The following STK3 variants were observed in gnomAD, a reference collection of about 807,000 sequenced individuals.
STK3 encodes serine/threonine kinase 3, also known as serine/threonine-protein kinase 3.
Under a neutral mutation model 58.0 loss-of-function variants are expected in STK3, and 41 were observed. The observed-to-expected ratio is 0.71, with a 90% CI of 0.55 to 0.92. The LOEUF is 0.92. STK3 is among the 40% of genes least tolerant of loss of function. STK3 has a pLI of 0.00. For synonymous variants in STK3, 170 were observed against 191.0 expected (o/e 0.89, Z 0.91); for missense variants, 479 against 602.7 (o/e 0.79, Z 2.15).
intron 7 of STK3, among the ~76,000 whole-genome samples, chr8:98,586,775 T>A (rs911856423): frequency 1.3e-5 from 2 of 152,030 alleles, no homozygotes; most frequent in Non-Finnish European, 2.9e-5. Context: ...CAATTTCAGA[T>A]CCTGTTATTG....
chr8:98,379,598 C>T (rs1357734241), intron 1 of STK3, among the ~76,000 whole-genome samples: 2 of 152,162 alleles, frequency 1.3e-5, no homozygotes, highest in Admixed American at 6.5e-5. Flanking sequence ...ACTAGAGGAC[C>T]GGACACAGCA....
At chr8:98,743,828 C>G (rs1269948386) in intron 4 of STK3, among the ~76,000 whole-genome samples, 2 of 151,854 alleles carry the variant, frequency 1.3e-5, no homozygotes, top group Non-Finnish European at 2.9e-5. Flanking sequence ...ATTTTCGCAA[C>G]CTACTCATCT....
At chr8:98,545,839 T>G (rs1469890263) in intron 9 of STK3, among the ~76,000 whole-genome samples, 1 of 152,112 alleles carries the variant, frequency 6.6e-6, no homozygotes, top group Non-Finnish European at 1.5e-5. Context: ...CCAACTAATT[T>G]AAGAAGTTTT....
At position 98,539,559 on chromosome 8, in the gene STK3, A is replaced by G. The variant is rs1810056936; in HGVS notation, c.1141+8410T>C. On this transcript the variant is annotated intron_variant, in intron 9 of 10. Coordinates refer to ENST00000419617, the MANE Select transcript of STK3 (RefSeq NM_006281.4). ...TCTTACTAATTAAGTAAAACTGCAT[A>G]TATGTGCTGTCCAAAATAAACTCTG... is the stretch of plus-strand genomic sequence containing the variant. 2.0e-5 allele frequency among the ~76,000 whole-genome samples: 3 copies of G among 152,176 alleles called. No homozygotes were observed. In the South Asian group the frequency reaches 6.2e-4, roughly 32 times the overall value.
chr8:98,401,089 C>G (rs1308989166), downstream of STK3, among the ~76,000 whole-genome samples: 1 of 152,160 alleles, frequency 6.6e-6, no homozygotes, highest in East Asian at 1.9e-4. Context: ...CTGGCTCTCT[C>G]TCTCGGGACA....
intron 1 of STK3, chr8:98,906,267 C>G (rs1377277394): frequency 6.6e-6 from 1 of 152,452 alleles, no homozygotes; most frequent in Non-Finnish European, 1.5e-5. Flanking sequence ...AGGGCCGTTT[C>G]TTGGTGACAT....
At chr8:98,386,008 GA>G (rs906015332) in intron 1 of STK3, among the ~76,000 whole-genome samples, 6 of 151,992 alleles carry the variant, frequency 3.9e-5, no homozygotes, top group African/African-American at 1.5e-4. Flanking sequence ...TAAGAAAGAC[GA>G]AAAATAGCAT....
At chr8:98,547,582 G>C (rs1005792875) in intron 9 of STK3, among the ~76,000 whole-genome samples, 2 of 152,070 alleles carry the variant, frequency 1.3e-5, no homozygotes, top group South Asian at 4.1e-4. Context: ...GCTCTTTGTG[G>C]TTTAACTGAT....
At chr8:98,479,993 T>C (rs1434084474) in intron 10 of STK3, among the ~76,000 whole-genome samples, 1 of 151,832 alleles carries the variant, frequency 6.6e-6, no homozygotes, top group African/African-American at 2.4e-5. Context: ...AGAATGAAGA[T>C]GACAAAAAAT....
chr8:98,385,178 C>A (rs998303250), intron 1 of STK3, among the ~76,000 whole-genome samples: 4 of 151,968 alleles, frequency 2.6e-5, no homozygotes, highest in Admixed American at 2.6e-4. Flanking sequence ...GAGAAGAAAC[C>A]CTGTTGTGCC....
At chr8:98,750,096 G>C (rs1196585997) in intron 3 of STK3, among the ~76,000 whole-genome samples, 2 of 152,054 alleles carry the variant, frequency 1.3e-5, no homozygotes, top group African/African-American at 4.8e-5. Flanking sequence ...AAAATGCATA[G>C]AGATAGAAAA....
intron 9 of STK3, among the ~76,000 whole-genome samples, chr8:98,545,820 G>T (rs943162866): frequency 6.6e-6 from 1 of 152,122 alleles, no homozygotes; most frequent in African/African-American, 2.4e-5. Context: ...CATAAGCTGA[G>T]ACCTCATACC....
At position 98,619,156 on chromosome 8, in the gene STK3, C is replaced by T. The variant is rs1261039789; in HGVS notation, c.685-22987G>A. On this transcript the variant is annotated intron_variant, in intron 6 of 10. Coordinates refer to ENST00000419617, the MANE Select transcript of STK3 (RefSeq NM_006281.4). ...AACAGAACAGAGCCCTCAGAAGTAACGCCGCATACCTACAACTATCTGATC... is the reference window on the plus strand; with the variant it reads ...AACAGAACAGAGCCCTCAGAAGTAATGCCGCATACCTACAACTATCTGATC... 7.9e-3 allele frequency among the ~76,000 whole-genome samples: 1,191 copies of T among 150,892 alleles called. 11 individuals carry two copies. The highest frequency in any genetic ancestry group is 0.01 in the Non-Finnish European group (700 of 67,752).
At chr8:98,467,052 C>G (rs1337868078) in intron 10 of STK3, among the ~76,000 whole-genome samples, 1 of 152,140 alleles carries the variant, frequency 6.6e-6, no homozygotes, top group African/African-American at 2.4e-5. Flanking sequence ...ACCTTCCAAA[C>G]TTCCAGGAAC....
chr8:98,931,228 G>A (rs1275488564), intron 1 of STK3, among the ~76,000 whole-genome samples: 2 of 152,176 alleles, frequency 1.3e-5, no homozygotes, highest in Non-Finnish European at 2.9e-5. Context: ...CCTGGGCAGT[G>A]TTTTGTCTGG....
intron 6 of STK3, among the ~76,000 whole-genome samples, chr8:98,630,047 T>G (rs1032708694): frequency 5.3e-5 from 8 of 152,100 alleles, no homozygotes; most frequent in African/African-American, 1.9e-4. Flanking sequence ...GCCTCGCCTG[T>G]TCCTTCTCAC....
intron 8 of STK3, among the ~76,000 whole-genome samples, chr8:98,578,928 A>G (rs1483116064): frequency 6.6e-6 from 1 of 152,182 alleles, no homozygotes; most frequent in Non-Finnish European, 1.5e-5. Flanking sequence ...AGGTGGGTAG[A>G]TTACTTGAGG....
At chr8:98,584,518 T>A (rs1434483894) in intron 7 of STK3, among the ~76,000 whole-genome samples, 2 of 152,022 alleles carry the variant, frequency 1.3e-5, no homozygotes, top group Admixed American at 6.6e-5. Context: ...TGTGGGTTGG[T>A]TCCAAGTCTT....
At chr8:98,353,558 T>A in the STK3 span, among the ~76,000 whole-genome samples, 1 of 152,218 alleles carries the variant, frequency 6.6e-6, no homozygotes, top group Non-Finnish European at 1.5e-5. Flanking sequence ...ACTTGGGTCT[T>A]ATTCCCAAGA....
Sources: gnomAD v4.1 joint callset for allele counts (sites outside exome capture counted in the v4.1 genomes callset) on GRCh38, gnomAD v4.1.1 for gene constraint, MANE v1.5 for transcripts, NCBI Gene and HGNC (gene_info 2026-07-23, HGNC 2026-07-21) for gene names.